The following ASTN2 variants were observed in gnomAD, a reference collection of about 807,000 sequenced individuals.
The protein encoded by ASTN2 is astrotactin-2.
A neutral mutation model predicts 139.8 loss-of-function variants in ASTN2; 54 were observed. The observed-to-expected ratio is 0.39, with a 90% CI of 0.31 to 0.48. The LOEUF is 0.48. Ranked by LOEUF, ASTN2 falls within the 20% of genes least tolerant of loss-of-function variation. The pLI, the probability that ASTN2 is intolerant of heterozygous loss-of-function variation, is 0.95. For missense variants in ASTN2, 1,565 were observed against 1,725.1 expected (o/e 0.91, Z 1.64); for synonymous variants, 756 against 719.5 (o/e 1.05, Z -0.81).
chr9:116,812,618 T>C (rs1023178197), intron 12 of ASTN2, among the ~76,000 whole-genome samples: 1 of 152,152 alleles, frequency 6.6e-6, no homozygotes, highest in Non-Finnish European at 1.5e-5. Flanking sequence ...GGTGATTCAT[T>C]ACAGAAGCAA....
At chr9:116,432,325 A>G (rs1346304885) in intron 22 of ASTN2, among the ~76,000 whole-genome samples, 2 of 152,146 alleles carry the variant, frequency 1.3e-5, no homozygotes, top group African/African-American at 4.8e-5. Context: ...ATCTGTGGAG[A>G]TCCATATCAC....
chr9:116,829,348 A>G (rs1831735769), intron 11 of ASTN2, among the ~76,000 whole-genome samples: 1 of 151,378 alleles, frequency 6.6e-6, no homozygotes, highest in South Asian at 2.1e-4. Flanking sequence ...CCAGAAATAA[A>G]GCCACATACC....
rs998573161 is a variant in ASTN2, at chr9:117,068,702, T to C, written c.1276+27342A>G. Among the ~76,000 whole-genome samples, 15 of 113,902 alleles carry C rather than the reference T, an allele frequency of 1.3e-4. 2 individuals are homozygous for C. Among genetic ancestry groups the C allele is most frequent in the Non-Finnish European group, 2.4e-4 (13 of 53,688 alleles). The allele number at this position is 113,902 out of a possible 152,430, so 74.7% of individuals were successfully genotyped here. A position where few individuals can be genotyped will look rare whatever the true frequency, so the allele number is the denominator to read the frequency against. On this transcript the variant is annotated intron_variant, in intron 5 of 22. Transcript: ENST00000313400. The stretch of plus-strand genomic sequence containing the variant: ...AATTTCAGCTCCTGTTATTGGTCTA[T>C]TCAGAGATTCAACTTCTTCCTGGTT...
intron 19 of ASTN2, among the ~76,000 whole-genome samples, chr9:116,524,492 T>C (rs1851008631): frequency 6.6e-6 from 1 of 152,134 alleles, no homozygotes; most frequent in African/African-American, 2.4e-5. Flanking sequence ...CCTGGTGTAA[T>C]GGAAAGAGCT....
At chr9:117,389,237 T>C (rs1212027445) in intron 1 of ASTN2, among the ~76,000 whole-genome samples, 2 of 152,202 alleles carry the variant, frequency 1.3e-5, no homozygotes, top group Non-Finnish European at 2.9e-5. Context: ...GTTTTTCTTC[T>C]TTAAGCCTAT....
At chr9:116,519,847 A>C (rs1186652871) in intron 19 of ASTN2, among the ~76,000 whole-genome samples, 1 of 152,128 alleles carries the variant, frequency 6.6e-6, no homozygotes, top group East Asian at 1.9e-4. Flanking sequence ...TCACAAAAAC[A>C]CAAAGGATTA....
At chr9:117,195,940 AG>A (rs1831489788) in intron 3 of ASTN2, among the ~76,000 whole-genome samples, 1 of 152,182 alleles carries the variant, frequency 6.6e-6, no homozygotes, top group African/African-American at 2.4e-5. Flanking sequence ...TTCCTTCTTC[AG>A]GGAACACATG....
At chr9:116,833,371 G>A (rs144268923) in intron 11 of ASTN2, among the ~76,000 whole-genome samples, 86 of 148,664 alleles carry the variant, frequency 5.8e-4, no homozygotes, top group Non-Finnish European at 8.9e-4. Flanking sequence ...CATTAACTTC[G>A]TTGTTTTTCT....
At chr9:117,233,109 C>G (rs7043317) in intron 2 of ASTN2, among the ~76,000 whole-genome samples, 7,107 of 152,164 alleles carry the variant, frequency 0.047, 569 homozygotes, top group African/African-American at 0.16. Flanking sequence ...ATCTCACAGC[C>G]TCCCTGCATC....
At position 116,975,454 on chromosome 9, in the gene ASTN2, C is replaced by T. The variant is rs955160886; in HGVS notation, c.1752-109G>A. Reference sequence around the variant, plus strand: ...TAGGGCAATTTCCTACTTCTCCATCCATATCCCCAGCATTATTTAAGGAAC... The same window carrying T: ...TAGGGCAATTTCCTACTTCTCCATCTATATCCCCAGCATTATTTAAGGAAC... On this transcript the variant is annotated intron_variant, in intron 9 of 22. Transcript: ENST00000313400. The T allele has an allele frequency of 5.5e-6, 6 of 1,094,692 alleles. No homozygotes were observed. The African/African-American group carries it at 9.6e-5, about 18-fold the overall frequency. The allele number at this position is 1,094,692 out of a possible 1,614,324, so 67.8% of individuals were successfully genotyped here.
intron 20 of ASTN2, among the ~76,000 whole-genome samples, chr9:116,486,968 A>G (rs1172855837): frequency 6.6e-6 from 1 of 152,196 alleles, no homozygotes; most frequent in Non-Finnish European, 1.5e-5. Flanking sequence ...TATATATCAG[A>G]TATACTAATA....
At chr9:117,344,525 C>T (rs1267837045) in intron 1 of ASTN2, among the ~76,000 whole-genome samples, 3 of 152,152 alleles carry the variant, frequency 2.0e-5, no homozygotes, top group Non-Finnish European at 4.4e-5. Flanking sequence ...CAGCAGTGCC[C>T]AGGGTTGCCT....
chr9:117,260,851 T>C (rs1833806339), intron 2 of ASTN2, among the ~76,000 whole-genome samples: 2 of 152,176 alleles, frequency 1.3e-5, no homozygotes, highest in South Asian at 2.1e-4. Flanking sequence ...CACAGACACA[T>C]TGACAAATAA....
At chr9:117,180,864 G>A in intron 3 of ASTN2, 1 of 1,572,036 alleles carries the variant, frequency 6.4e-7, no homozygotes. Flanking sequence ...TCTTCTGGTG[G>A]CCAGGAAACT....
chr9:116,855,351 A>G (rs1276450370), intron 11 of ASTN2, among the ~76,000 whole-genome samples: 1 of 152,222 alleles, frequency 6.6e-6, no homozygotes, highest in African/African-American at 2.4e-5. Flanking sequence ...CCTCCTTTTC[A>G]TTTCCCAAAC....
chr9:116,565,637 C>A (rs1452736933), intron 19 of ASTN2, among the ~76,000 whole-genome samples: 1 of 150,832 alleles, frequency 6.6e-6, no homozygotes, highest in African/African-American at 2.4e-5. Flanking sequence ...ACCATGTGGC[C>A]TGGCTATTTT....
chr9:116,487,543 TA>T (rs1849380286), intron 19 of ASTN2, 43 bp from the exon 20 acceptor site: 1 of 1,584,966 alleles, frequency 6.3e-7, no homozygotes, highest in Admixed American at 1.8e-5. Context: ...GCTCAGGCCA[TA>T]GTGAGGAGAC....
chr9:117,319,994 G>A (rs1828278084), intron 1 of ASTN2, among the ~76,000 whole-genome samples: 1 of 152,138 alleles, frequency 6.6e-6, no homozygotes, highest in Admixed American at 6.6e-5. Flanking sequence ...TCTTTTAAAT[G>A]AACTTTATGG....
chr9:117,225,181 C>T (rs1832662421), intron 2 of ASTN2, among the ~76,000 whole-genome samples: 1 of 152,086 alleles, frequency 6.6e-6, no homozygotes, highest in Non-Finnish European at 1.5e-5. Flanking sequence ...ATAAATGCCT[C>T]TCTAAGGGCA....
Sources: allele counts gnomAD v4.1 joint callset (sites outside exome capture counted in the v4.1 genomes callset), GRCh38; gene constraint gnomAD v4.1.1; transcripts MANE v1.5; gene names NCBI Gene and HGNC (gene_info 2026-07-23, HGNC 2026-07-21).